The following TOP2B variants were observed in gnomAD, a reference collection of about 807,000 sequenced individuals.
The protein encoded by TOP2B is DNA topoisomerase II beta, also known as DNA topoisomerase 2-beta.
In TOP2B, 51 loss-of-function variants were observed where a neutral mutation model predicts 193.5. The observed-to-expected ratio is 0.26, with a 90% CI of 0.21 to 0.33. The LOEUF (loss-of-function observed/expected upper bound fraction) is 0.33. Among genes scored for constraint, TOP2B ranks in the 10% least tolerant of loss-of-function variants. The probability of loss-of-function intolerance (pLI) is 1.00; values close to 1 mark genes in which losing one functional copy is unlikely to be tolerated. For missense variants in TOP2B, 1,378 were observed against 1,909.3 expected (o/e 0.72, Z 5.19); for synonymous variants, 634 against 635.7 (o/e 1.00, Z 0.04).
intron 15 of TOP2B, among the ~76,000 whole-genome samples, chr3:25,628,374 G>A (rs1702866383): frequency 1.3e-5 from 2 of 151,680 alleles, no homozygotes; most frequent in Admixed American, 1.3e-4. Context: ...ACTTGCGGGG[G>A]CTGAGGCAAG....
Position 25,626,754 on chromosome 3 carries a change from C to A in TOP2B, c.2109+18G>T, listed in dbSNP as rs749849856. The A allele has an allele frequency of 3.8e-6, 6 of 1,586,842 alleles. No individual in the cohort carries two copies. Among genetic ancestry groups the A allele is most frequent in the Non-Finnish European group, 5.2e-6 (6 of 1,160,484 alleles). ...TCTCTCTCCTTCTTTCCCCAGGTCA[C>A]CACTCTTTAAGACTAACCTCTGGTA... On this transcript the variant is annotated intron_variant, in intron 17 of 35. Transcript: ENST00000264331.
rs74329189 is a variant in TOP2B at position 25,598,614 on chromosome 3, T to C, written c.4711-137A>G. ...GCTTTTAAAATTAGAATCATAATGC[T>C]AACCTAAGTGTAAGACCAGTTATCT... On this transcript the variant is annotated intron_variant, in intron 35 of 35. Coordinates refer to ENST00000264331, the MANE Select transcript of TOP2B (RefSeq NM_001330700.2). 2.2e-3 allele frequency: 1,394 copies of C among 630,936 alleles called. 22 individuals carry two copies. The East Asian group carries it at 0.032, about 14-fold the overall frequency. 39.1% of individuals were successfully genotyped at this position (630,936 alleles called of 1,614,324 possible).
chr3:25,634,115 A>G (rs1375794095), intron 7 of TOP2B, 101 bp from the exon 8 acceptor site: 4 of 902,930 alleles, frequency 4.4e-6, no homozygotes, highest in Non-Finnish European at 6.6e-6. Context: ...CTCACTTACA[A>G]CAGTTCTAAG....
chr3:25,610,858 A>C (rs529670783), intron 28 of TOP2B, among the ~76,000 whole-genome samples: 17 of 152,322 alleles, frequency 1.1e-4, no homozygotes, highest in African/African-American at 4.1e-4. Context: ...GAAAACACAA[A>C]ATTCTAAGGC....
intron 28 of TOP2B, among the ~76,000 whole-genome samples, chr3:25,610,921 G>A (rs1021392119): frequency 5.9e-5 from 9 of 152,144 alleles, no homozygotes; most frequent in African/African-American, 2.2e-4. Flanking sequence ...TACTTAGTAG[G>A]CAGTCAATAG....
chr3:25,652,745 G>T (rs1703627737), intron 1 of TOP2B, among the ~76,000 whole-genome samples: 1 of 151,058 alleles, frequency 6.6e-6, no homozygotes, highest in Non-Finnish European at 1.5e-5. Flanking sequence ...CCCTTTCAAA[G>T]AACTAGGAAA....
intron 24 of TOP2B, 44 bp from the exon 25 acceptor site, chr3:25,618,553 A>G (rs1702572790): frequency 6.4e-7 from 1 of 1,562,284 alleles, no homozygotes; most frequent in Admixed American, 1.8e-5. Context: ...TAAGAGATTC[A>G]ATTTGTATTT....
At chr3:25,615,158 C>G (rs1016689789) in intron 27 of TOP2B, 47 bp downstream of exon 27, 11 of 1,510,978 alleles carry the variant, frequency 7.3e-6, no homozygotes, top group Non-Finnish European at 1.0e-5. Flanking sequence ...CATTCTTGTT[C>G]ATAAACATGA....
intron 28 of TOP2B, among the ~76,000 whole-genome samples, chr3:25,610,149 C>T (rs1194278845): frequency 6.6e-6 from 1 of 151,544 alleles, no homozygotes; most frequent in Non-Finnish European, 1.5e-5. Flanking sequence ...TGCGGTGAGC[C>T]TCTGGCCTGG....
chr3:25,637,411 A>G (rs1407493077), intron 5 of TOP2B, 99 bp from the exon 6 acceptor site: 1 of 735,428 alleles, frequency 1.4e-6, no homozygotes, highest in South Asian at 1.8e-5. Context: ...AAACTGTTCC[A>G]CTAACTGCAT....
At chr3:25,620,127 C>A in intron 22 of TOP2B, 65 bp from the exon 23 acceptor site, 1 of 1,075,222 alleles carries the variant, frequency 9.3e-7, no homozygotes, top group Non-Finnish European at 1.3e-6. Context: ...TACTACAAGT[C>A]ATACAGTCTT....
At chr3:25,601,987 T>C (rs1702106467) in intron 33 of TOP2B, among the ~76,000 whole-genome samples, 1 of 152,180 alleles carries the variant, frequency 6.6e-6, no homozygotes, top group South Asian at 2.1e-4. Context: ...GGCATTTTTA[T>C]GTGGAAAGAA....
Position 25,629,031 on chromosome 3 carries a change from G to A in TOP2B, c.1800+4C>T, listed in dbSNP as rs201694255. On this transcript the variant is annotated splice_donor_region_variant and intron_variant, in intron 14 of 35. Transcript: ENST00000264331. ...ATATAAAAATATATTAATGCAAAGA[G>A]TACCTTTACAATAGGAGTAATGAAC... 62 of 1,578,986 alleles carry A rather than the reference G, an allele frequency of 3.9e-5. No homozygotes were observed. The Admixed American group carries it at 1.1e-3, about 27-fold the overall frequency.
In TOP2B at chr3:25,628,987, G is replaced by A. The variant is rs569155187; in HGVS notation, c.1801-35C>T. The A allele has an allele frequency of 3.8e-6, 6 of 1,578,078 alleles. No individual in the cohort carries two copies. In the Admixed American group the frequency reaches 1.1e-4, roughly 28 times the overall value. Reference sequence around the variant, plus strand: ...ATTAAAAAACAAAATTAGTTTTTCTGCTACCCTTTAAGACAACAATATAAA... The same window carrying A: ...ATTAAAAAACAAAATTAGTTTTTCTACTACCCTTTAAGACAACAATATAAA... On this transcript the variant is annotated intron_variant, in intron 14 of 35. Transcript: ENST00000264331.
chr3:25,631,292 G>A (rs551284274), intron 10 of TOP2B, among the ~76,000 whole-genome samples: 115 of 152,100 alleles, frequency 7.6e-4, no homozygotes, highest in African/African-American at 2.6e-3. Context: ...AATTCCAGAC[G>A]TTGACATTTC....
chr3:25,627,424 C>CTTTTTTTTTTTTTTTTTTTTTT, intron 15 of TOP2B, 128 bp from the exon 16 acceptor site: 1 of 506,980 alleles, frequency 2.0e-6, no homozygotes, highest in Non-Finnish European at 3.5e-6. Context: ...AGTGATCAAT[C>CTTTTTTTTTTTTTTTTTTTTTT]TTAATAAGCA....
chr3:25,620,962 T>TACAACC, intron 21 of TOP2B, 146 bp from the exon 22 acceptor site: 1 of 823,480 alleles, frequency 1.2e-6, no homozygotes, highest in Non-Finnish European at 1.9e-6. Flanking sequence ...TAAGCTTGAA[T>TACAACC]TCATAGCTTC....
chr3:25,623,251 T>C (rs1394266985), intron 21 of TOP2B, among the ~76,000 whole-genome samples: 2 of 152,188 alleles, frequency 1.3e-5, no homozygotes, highest in Non-Finnish European at 2.9e-5. Context: ...TCTAATAATA[T>C]AGGGTTTAGA....
rs151201421 is a variant in TOP2B, at chr3:25,623,955, T to C, written c.2496-209A>G. On this transcript the variant is annotated intron_variant, in intron 20 of 35. Transcript: ENST00000264331. ...TCTCAGTTACAAGCCCAGAATAAAA[T>C]AGTCCTATTTTACTTATGTACTTAC... Among the ~76,000 whole-genome samples the C allele has an allele frequency of 5.9e-5, 9 of 152,322 alleles. No homozygotes were observed. The South Asian group carries it at 1.2e-3, about 21-fold the overall frequency.
Sources: allele counts gnomAD v4.1 joint callset (sites outside exome capture counted in the v4.1 genomes callset), GRCh38; gene constraint gnomAD v4.1.1; transcripts MANE v1.5; gene names NCBI Gene and HGNC (gene_info 2026-07-23, HGNC 2026-07-21).